The following GALNT18 variants were observed in gnomAD, a reference collection of about 807,000 sequenced individuals.
GALNT18 encodes the protein polypeptide N-acetylgalactosaminyltransferase 18.
A neutral mutation model predicts 69.5 loss-of-function variants in GALNT18; 44 were observed. The observed-to-expected ratio is 0.63, with a 90% CI of 0.50 to 0.81. The LOEUF is 0.81. Ranked by LOEUF, GALNT18 falls within the 40% of genes least tolerant of loss-of-function variation. GALNT18 has a pLI of 0.00. For missense variants in GALNT18, 715 were observed against 810.0 expected, an observed-to-expected ratio of 0.88 and a Z score of 1.42; for synonymous variants, 364 against 318.2, an observed-to-expected ratio of 1.14 and a Z score of -1.53.
chr11:11,578,138 C>T (rs1858971401), intron 1 of GALNT18, among the ~76,000 whole-genome samples: 1 of 152,174 alleles, frequency 6.6e-6, no homozygotes. Context: ...GACTGTGACA[C>T]ATGTCCCAGA....
intron 1 of GALNT18, among the ~76,000 whole-genome samples, chr11:11,491,164 T>G (rs1351643255): frequency 6.6e-6 from 1 of 152,136 alleles, no homozygotes; most frequent in Non-Finnish European, 1.5e-5. Flanking sequence ...CAACATGAGG[T>G]GGCTCTTCAT....
chr11:11,359,373 G>A (rs772654917), intron 6 of GALNT18, among the ~76,000 whole-genome samples: 2 of 111,122 alleles, frequency 1.8e-5, no homozygotes, highest in African/African-American at 3.3e-5. Context: ...CCCTTTAACC[G>A]TGGATACATA....
rs1856887886 is a variant in GALNT18, at chr11:11,497,372, C to CACACA, written c.236-48437_236-48436insTGTGT. ...CACACACACACACACACACACACACCCCTTAGAATGGGGCTCCTTAAGAGC... is the reference window on the plus strand; with the variant it reads ...CACACACACACACACACACACACACCACACACCTTAGAATGGGGCTCCTTAAGAGC... On this transcript the variant is annotated intron_variant, in intron 1 of 10. Coordinates refer to ENST00000227756, the MANE Select transcript of GALNT18 (RefSeq NM_198516.3). The surrounding 1 kb of genome is among the most constrained non-coding windows in gnomAD (Gnocchi z 4.2). 3.2e-5 allele frequency among the ~76,000 whole-genome samples: 2 copies of CACACA among 61,546 alleles called. No individual in the cohort carries two copies. The highest frequency in any genetic ancestry group is 6.9e-4 in the East Asian group (1 of 1,454). The allele number at this position is 61,546 out of a possible 152,430, so 40.4% of individuals were successfully genotyped here. A position where few individuals can be genotyped will look rare whatever the true frequency, so the allele number is the denominator to read the frequency against.
At chr11:11,521,753 G>A (rs1376974491) in intron 1 of GALNT18, among the ~76,000 whole-genome samples, 2 of 152,134 alleles carry the variant, frequency 1.3e-5, no homozygotes, top group African/African-American at 4.8e-5. Flanking sequence ...TGAAGGGAAC[G>A]GAGGTGACTC....
At chr11:11,398,601 C>T (rs1376526079) in intron 3 of GALNT18, among the ~76,000 whole-genome samples, 7 of 152,222 alleles carry the variant, frequency 4.6e-5, no homozygotes, top group African/African-American at 1.7e-4. Flanking sequence ...AAAATGAACA[C>T]ATACACAGTG....
At chr11:11,288,306 T>C (rs1448169169) in intron 10 of GALNT18, among the ~76,000 whole-genome samples, 1 of 152,180 alleles carries the variant, frequency 6.6e-6, no homozygotes, top group Non-Finnish European at 1.5e-5. Context: ...TACTAAAATA[T>C]GCTCAGCTAT....
chr11:11,510,238 A>C (rs971674595), intron 1 of GALNT18, among the ~76,000 whole-genome samples: 1 of 152,232 alleles, frequency 6.6e-6, no homozygotes, highest in African/African-American at 2.4e-5. Flanking sequence ...CACAATAGGA[A>C]AACCACCTTT....
intron 7 of GALNT18, among the ~76,000 whole-genome samples, chr11:11,334,543 CA>C (rs5789679): frequency 1.4e-4 from 20 of 139,028 alleles, no homozygotes; most frequent in South Asian, 2.3e-4. Context: ...ACTCCGTCTC[CA>C]AAAAAAAAAA....
At chr11:11,612,686 T>C (rs778283154) in intron 1 of GALNT18, among the ~76,000 whole-genome samples, 16 of 152,224 alleles carry the variant, frequency 1.1e-4, no homozygotes, top group Non-Finnish European at 2.1e-4. Context: ...CTTGTTAAGA[T>C]GCAGCACTCA....
chr11:11,427,529 A>G (rs185663456), intron 3 of GALNT18, among the ~76,000 whole-genome samples: 256 of 152,294 alleles, frequency 1.7e-3, no homozygotes, highest in African/African-American at 5.6e-3. Context: ...TTAAACACCA[A>G]CATCCCTTCC....
intron 6 of GALNT18, among the ~76,000 whole-genome samples, chr11:11,345,531 G>T (rs1850287143): frequency 6.6e-6 from 1 of 152,138 alleles, no homozygotes; most frequent in South Asian, 2.1e-4. Context: ...GATTGGGAGG[G>T]GCAGGGGATA....
intron 1 of GALNT18, chr11:11,475,273 T>C (rs1461222534): frequency 1.3e-5 from 2 of 152,232 alleles, no homozygotes; most frequent in South Asian, 2.1e-4. Flanking sequence ...AGTGACTGCA[T>C]CTCAAATAGC....
intron 1 of GALNT18, among the ~76,000 whole-genome samples, chr11:11,487,408 G>A (rs1409633095): frequency 6.6e-6 from 1 of 151,430 alleles, no homozygotes; most frequent in Non-Finnish European, 1.5e-5. Flanking sequence ...AAAAAACTAT[G>A]GAAATAAAAA....
rs1169164757 is a variant in GALNT18 at position 11,546,558 on chromosome 11, A to G, written c.235+74801T>C. Among the ~76,000 whole-genome samples the G allele has an allele frequency of 2.0e-5, 3 of 152,184 alleles. No homozygotes were observed. Among genetic ancestry groups the G allele is most frequent in the East Asian group, 1.9e-4 (1 of 5,196 alleles). On this transcript the variant is annotated intron_variant, in intron 1 of 10. Transcript: ENST00000227756. The surrounding 1 kb of genome is among the most constrained non-coding windows in gnomAD (Gnocchi z 5.8). ...TGCTGTAAAAGGTATCACGGCTCCCATTGCTCACTGGATAAACACAAAATC... is the reference window on the plus strand; with the variant it reads ...TGCTGTAAAAGGTATCACGGCTCCCGTTGCTCACTGGATAAACACAAAATC...
intron 1 of GALNT18, among the ~76,000 whole-genome samples, chr11:11,449,649 C>T (rs1437087245): frequency 6.6e-6 from 1 of 152,166 alleles, no homozygotes; most frequent in African/African-American, 2.4e-5. Context: ...CCAGGAACTT[C>T]CCAGAAAAAT....
At chr11:11,428,188 T>G (rs987830746) in intron 3 of GALNT18, among the ~76,000 whole-genome samples, 1 of 152,220 alleles carries the variant, frequency 6.6e-6, no homozygotes, top group Non-Finnish European at 1.5e-5. Context: ...GCGTGGAGTC[T>G]GCACAGGGTC....
chr11:11,426,951 T>C (rs1035511487), intron 3 of GALNT18, among the ~76,000 whole-genome samples: 1 of 152,296 alleles, frequency 6.6e-6, no homozygotes, highest in Admixed American at 6.5e-5. Flanking sequence ...AAAAATAAAA[T>C]TTTAATAATA....
chr11:11,381,244 T>A (rs2133695229), intron 3 of GALNT18, among the ~76,000 whole-genome samples: 1 of 152,338 alleles, frequency 6.6e-6, no homozygotes, highest in South Asian at 2.1e-4. Context: ...ATATATCCTT[T>A]TTGAAAAATT....
chr11:11,281,621 C>T (rs1849076938), intron 10 of GALNT18, among the ~76,000 whole-genome samples: 1 of 152,150 alleles, frequency 6.6e-6, no homozygotes, highest in South Asian at 2.1e-4. Flanking sequence ...CAAGGGACAC[C>T]TTGCCAAGGT....
Sources: gnomAD v4.1 joint callset for allele counts (sites outside exome capture counted in the v4.1 genomes callset) on GRCh38, gnomAD v4.1.1 for gene constraint, Gnocchi (gnomAD v3.1) non-coding constraint, MANE v1.5 for transcripts, NCBI Gene and HGNC (gene_info 2026-07-23, HGNC 2026-07-21) for gene names.